The following VTI1A variants were observed in gnomAD, a reference collection of about 807,000 sequenced individuals.
The protein encoded by VTI1A is vesicle transport through interaction with t-SNAREs 1A.
Under a neutral mutation model 34.9 loss-of-function variants are expected in VTI1A, and 22 were observed. The observed-to-expected ratio is 0.63, with a 90% confidence interval of 0.45 to 0.90. VTI1A has a LOEUF of 0.90. Among genes scored for constraint, VTI1A ranks in the 40% least tolerant of loss-of-function variants. VTI1A has a pLI of 0.00. For synonymous variants in VTI1A, 87 were observed against 97.3 expected, an observed-to-expected ratio of 0.89 and a Z score of 0.62; for missense variants, 268 against 275.6, an observed-to-expected ratio of 0.97 and a Z score of 0.20.
At chr10:112,770,464 C>T (rs946942106) in intron 7 of VTI1A, among the ~76,000 whole-genome samples, 4 of 150,892 alleles carry the variant, frequency 2.7e-5, no homozygotes, top group Admixed American at 2.6e-4. Context: ...GGCAGGATCT[C>T]GGCTCACTGC....
At chr10:112,837,812 C>G in the VTI1A span, among the ~76,000 whole-genome samples, 2 of 152,124 alleles carry the variant, frequency 1.3e-5, no homozygotes, top group Non-Finnish European at 2.9e-5. Flanking sequence ...CTTTGAAGTG[C>G]CAGGGTCAGA....
chr10:112,576,224 G>T (rs1253515298), intron 5 of VTI1A, among the ~76,000 whole-genome samples: 1 of 150,866 alleles, frequency 6.6e-6, no homozygotes, highest in African/African-American at 2.4e-5. Flanking sequence ...GTTTCACCGT[G>T]TTAGCTAAGA....
intron 7 of VTI1A, among the ~76,000 whole-genome samples, chr10:112,782,877 T>G (rs1210904225): frequency 6.6e-6 from 1 of 152,198 alleles, no homozygotes; most frequent in African/African-American, 2.4e-5. Context: ...CCCCTTCTAA[T>G]TTCGATTTTG....
chr10:112,588,993 A>G (rs895220270), intron 5 of VTI1A, among the ~76,000 whole-genome samples: 1 of 145,790 alleles, frequency 6.9e-6, no homozygotes, highest in African/African-American at 2.5e-5. Flanking sequence ...CATTCCCTAC[A>G]TATTTCAACA....
chr10:112,764,174 G>T (rs1253389586), intron 7 of VTI1A, among the ~76,000 whole-genome samples: 2 of 152,152 alleles, frequency 1.3e-5, no homozygotes, highest in African/African-American at 2.4e-5. Context: ...CTTAGTTAAG[G>T]GTAGGGATTT....
chr10:112,847,765 A>T, the VTI1A span, among the ~76,000 whole-genome samples: 1 of 152,208 alleles, frequency 6.6e-6, no homozygotes, highest in Non-Finnish European at 1.5e-5. Flanking sequence ...GCCAAATGAG[A>T]TAACTTAGTT....
intron 7 of VTI1A, among the ~76,000 whole-genome samples, chr10:112,796,032 T>A (rs1852661747): frequency 6.6e-6 from 1 of 152,012 alleles, no homozygotes; most frequent in Non-Finnish European, 1.5e-5. Context: ...TTAAGCCTTG[T>A]GTTCTGATTA....
chr10:112,709,399 CT>C (rs1302168908), intron 7 of VTI1A, among the ~76,000 whole-genome samples: 6 of 152,144 alleles, frequency 3.9e-5, no homozygotes, highest in African/African-American at 1.4e-4. Flanking sequence ...TGGCCTAGGC[CT>C]CTGCTGGCCC....
Position 112,538,260 on chromosome 10 carries a change from C to G in VTI1A, c.357C>G (p.Leu119=), listed in dbSNP as rs138856211. Residue 119 remains leucine (L), a synonymous_variant, in exon 5 of 8, where the codon CTC becomes CTG. Coordinates refer to ENST00000393077, the MANE Select transcript of VTI1A (RefSeq NM_145206.4). ...NSSENQRAHL[L]DNTERLERSS... ...TTCTTTTTCAGAGGGCACATCTGCT[C>G]GATAACACAGAGAGGCTGGAAAGGT... 79 of 1,612,090 alleles carry G rather than the reference C, an allele frequency of 4.9e-5. No homozygotes were observed. Among genetic ancestry groups the G allele is most frequent in the Non-Finnish European group, 6.2e-5 (73 of 1,179,280 alleles).
At chr10:112,487,908 G>A (rs1848698779) in intron 3 of VTI1A, among the ~76,000 whole-genome samples, 1 of 152,112 alleles carries the variant, frequency 6.6e-6, no homozygotes, top group Non-Finnish European at 1.5e-5. Context: ...TAGTAATTTG[G>A]TAGTTTGGTA....
chr10:112,707,042 C>T (rs757102417), intron 7 of VTI1A, among the ~76,000 whole-genome samples: 25 of 152,136 alleles, frequency 1.6e-4, no homozygotes, highest in Admixed American at 3.9e-4. Context: ...AAAACTATTA[C>T]TTTCATATTT....
At chr10:112,791,374 C>A (rs992107533) in intron 7 of VTI1A, among the ~76,000 whole-genome samples, 3 of 152,122 alleles carry the variant, frequency 2.0e-5, no homozygotes, top group African/African-American at 7.2e-5. Context: ...AGCAAAAGGC[C>A]AGAGGGGGGT....
the VTI1A span, among the ~76,000 whole-genome samples, chr10:112,830,835 A>C: frequency 2.2e-5 from 1 of 45,756 alleles, no homozygotes; most frequent in African/African-American, 8.7e-5. Flanking sequence ...ATATATATAT[A>C]TATATATATA....
the VTI1A span, among the ~76,000 whole-genome samples, chr10:112,840,517 C>G: frequency 1.1e-4 from 16 of 152,234 alleles, no homozygotes; most frequent in Middle Eastern, 3.2e-3. Flanking sequence ...TGGCTGCTAT[C>G]ATTTATTTCC....
chr10:112,528,694 C>CT (rs1194825343), intron 4 of VTI1A, among the ~76,000 whole-genome samples: 1 of 152,032 alleles, frequency 6.6e-6, no homozygotes, highest in Non-Finnish European at 1.5e-5. Context: ...AAAACACTAT[C>CT]TTTTTTGCAA....
intron 5 of VTI1A, among the ~76,000 whole-genome samples, chr10:112,587,206 A>G (rs75678969): frequency 0.043 from 6,577 of 152,214 alleles, 171 homozygotes; most frequent in African/African-American, 0.062. Flanking sequence ...TTCCAAAAAC[A>G]TGCCCAAGGT....
chr10:112,723,798 G>C (rs983613782), intron 7 of VTI1A, among the ~76,000 whole-genome samples: 15 of 152,208 alleles, frequency 9.9e-5, no homozygotes, highest in Admixed American at 7.2e-4. Flanking sequence ...ATAATTTGAA[G>C]TTGCTCTAGT....
At chr10:112,853,887 A>C in the VTI1A span, among the ~76,000 whole-genome samples, 1 of 152,192 alleles carries the variant, frequency 6.6e-6, no homozygotes, top group Non-Finnish European at 1.5e-5. Flanking sequence ...ATTTTGTTTT[A>C]GAAGCATACG....
intron 5 of VTI1A, among the ~76,000 whole-genome samples, chr10:112,573,508 T>C (rs1852217513): frequency 6.6e-6 from 1 of 152,188 alleles, no homozygotes; most frequent in Non-Finnish European, 1.5e-5. Flanking sequence ...AATCCCTTAA[T>C]AGATCAAAAA....
Sources: gnomAD v4.1 joint callset for allele counts (sites outside exome capture counted in the v4.1 genomes callset) on GRCh38, gnomAD v4.1.1 for gene constraint, MANE v1.5 for transcripts, NCBI Gene and HGNC (gene_info 2026-07-23, HGNC 2026-07-21) for gene names.